Variants in ELMO1 observed in about 807,000 individuals in gnomAD.
ELMO1 encodes engulfment and cell motility 1, also known as engulfment and cell motility protein 1.
Under a neutral mutation model 98.9 loss-of-function variants are expected in ELMO1, and 26 were observed. That is an observed-to-expected ratio of 0.26 (90% CI 0.19 to 0.36). ELMO1 has a LOEUF of 0.36. ELMO1 is among the 10% of genes least tolerant of loss of function. ELMO1 has a pLI of 1.00. For missense variants in ELMO1, 627 were observed against 935.2 expected (o/e 0.67, Z 4.30); for synonymous variants, 346 against 346.0 (o/e 1.00, Z 0.00).
intron 4 of ELMO1, among the ~76,000 whole-genome samples, chr7:37,275,016 G>A (rs972584962): frequency 1.3e-5 from 2 of 152,170 alleles, no homozygotes; most frequent in African/African-American, 2.4e-5. Flanking sequence ...AGATAAGAAA[G>A]CAAAGCTGCT....
rs936054120 is a variant in ELMO1, at chr7:37,000,348, C to T, written c.1437+12951G>A. On this transcript the variant is annotated intron_variant, in intron 16 of 21. Coordinates refer to ENST00000310758, the MANE Select transcript of ELMO1 (RefSeq NM_014800.11). ...ACATTTACTTCTGTGGCAGCTCAAG[C>T]GGCAAAAAGCCATATGCCATACACC... Among the ~76,000 whole-genome samples the T allele has an allele frequency of 2.4e-4, 36 of 152,256 alleles. 1 individual carries two copies. Among genetic ancestry groups the T allele is most frequent in the Middle Eastern group, 6.8e-3 (2 of 294 alleles).
At chr7:37,064,546 A>G (rs1029839224) in intron 15 of ELMO1, among the ~76,000 whole-genome samples, 2 of 152,326 alleles carry the variant, frequency 1.3e-5, no homozygotes, top group African/African-American at 4.8e-5. Flanking sequence ...TCAGTGGTGT[A>G]GCTGTTACAG....
intron 15 of ELMO1, among the ~76,000 whole-genome samples, chr7:37,049,500 C>A (rs1795983751): frequency 6.6e-6 from 1 of 152,190 alleles, no homozygotes; most frequent in African/African-American, 2.4e-5. Flanking sequence ...CAGAGCTGCT[C>A]TGCCCCAAAT....
chr7:37,264,620 A>T (rs1796151355), intron 5 of ELMO1, among the ~76,000 whole-genome samples: 1 of 152,226 alleles, frequency 6.6e-6, no homozygotes, highest in African/African-American at 2.4e-5. Context: ...TGTATCAGAC[A>T]GCAAGTTATA....
chr7:37,417,995 C>T (rs1200328792), intron 1 of ELMO1, among the ~76,000 whole-genome samples: 6 of 152,192 alleles, frequency 3.9e-5, no homozygotes, highest in Non-Finnish European at 8.8e-5. Context: ...TCCCCTGGAA[C>T]CTTCAGGCCA....
intron 16 of ELMO1, among the ~76,000 whole-genome samples, chr7:36,906,617 C>T (rs1371841103): frequency 5.3e-5 from 8 of 152,136 alleles, no homozygotes; most frequent in South Asian, 2.1e-4. Context: ...CAGTGTCCAC[C>T]GCTGAGAAAC....
intron 14 of ELMO1, among the ~76,000 whole-genome samples, chr7:37,124,675 A>G (rs1786364560): frequency 6.6e-6 from 1 of 152,230 alleles, no homozygotes; most frequent in Non-Finnish European, 1.5e-5. Flanking sequence ...GCTCATGGGT[A>G]GGAAGAATCA....
At chr7:37,274,861 C>G (rs756812337) in intron 4 of ELMO1, among the ~76,000 whole-genome samples, 1 of 152,144 alleles carries the variant, frequency 6.6e-6, no homozygotes, top group Non-Finnish European at 1.5e-5. Flanking sequence ...CAGAAATAAT[C>G]TTTCTAATAA....
chr7:37,123,664 A>C (rs573258460), intron 14 of ELMO1, among the ~76,000 whole-genome samples: 15 of 152,164 alleles, frequency 9.9e-5, no homozygotes, highest in Admixed American at 4.6e-4. Flanking sequence ...CAACCAAAAA[A>C]AGTCCAGAAC....
chr7:37,167,108 C>T (rs1414890814), intron 13 of ELMO1, among the ~76,000 whole-genome samples: 2 of 152,166 alleles, frequency 1.3e-5, no homozygotes, highest in South Asian at 4.2e-4. Flanking sequence ...TTCTTTTTCT[C>T]TTTTGATCTT....
At chr7:36,908,883 G>T (rs995438532) in intron 16 of ELMO1, among the ~76,000 whole-genome samples, 2 of 152,172 alleles carry the variant, frequency 1.3e-5, no homozygotes, top group African/African-American at 2.4e-5. Context: ...CATTTCCTGG[G>T]TGTTTACTAA....
chr7:37,265,823 C>T (rs1796211756), intron 5 of ELMO1, among the ~76,000 whole-genome samples: 1 of 152,170 alleles, frequency 6.6e-6, no homozygotes. Context: ...GCTTTAAATG[C>T]CATTTCCATG....
intron 13 of ELMO1, among the ~76,000 whole-genome samples, chr7:37,198,653 T>C (rs1682008367): frequency 6.6e-6 from 1 of 152,238 alleles, no homozygotes; most frequent in Non-Finnish European, 1.5e-5. Flanking sequence ...TGCTTATACA[T>C]TACGAGACCC....
intron 16 of ELMO1, among the ~76,000 whole-genome samples, chr7:36,938,986 C>T (rs1382831360): frequency 6.6e-6 from 1 of 151,952 alleles, no homozygotes; most frequent in East Asian, 1.9e-4. Flanking sequence ...TATAATCGTA[C>T]AACTGCACTC....
At position 37,259,222 on chromosome 7, in the gene ELMO1, G is replaced by T; in HGVS notation, c.372C>A (p.Asp124Glu). Reference protein sequence around the residue: ...VTFAQEFINLDGISLLTQMVE... With the variant: ...VTFAQEFINLEGISLLTQMVE... ...CCATCTGCGTGAGGAGAGAGATACC[G>T]TCCAGGTTTATAAACTCCTGGGCAA... is the stretch of plus-strand genomic sequence containing the variant. Residue 124 changes from aspartate (D) to glutamate (E), a missense_variant, in exon 6 of 22, where the codon GAC becomes GAA. This residue lies in a region of ELMO1 where 123 missense variants were observed against 171.2 expected (regional missense o/e 0.72). Transcript: ENST00000310758. The T allele has an allele frequency of 4.3e-6, 7 of 1,614,098 alleles. No individual in the cohort carries two copies. The highest frequency in any genetic ancestry group is 5.9e-6 in the Non-Finnish European group (7 of 1,179,994).
At chr7:36,893,479 T>A (rs1294042894) in intron 17 of ELMO1, among the ~76,000 whole-genome samples, 2 of 152,248 alleles carry the variant, frequency 1.3e-5, no homozygotes, top group Non-Finnish European at 2.9e-5. Context: ...GGAAGCATTT[T>A]CCCTGCCCCG....
chr7:37,279,525 G>C (rs377760125), intron 4 of ELMO1, among the ~76,000 whole-genome samples: 1 of 152,198 alleles, frequency 6.6e-6, no homozygotes, highest in Non-Finnish European at 1.5e-5. Flanking sequence ...CCCAACTGTG[G>C]AAGTAGGAAA....
At chr7:37,405,339 A>T (rs1372746292) in intron 1 of ELMO1, among the ~76,000 whole-genome samples, 2 of 151,570 alleles carry the variant, frequency 1.3e-5, no homozygotes, top group African/African-American at 2.4e-5. Flanking sequence ...CACGCCCCAG[A>T]CTCCACCTTG....
chr7:37,402,216 T>A (rs1197278349), intron 1 of ELMO1, among the ~76,000 whole-genome samples: 1 of 152,148 alleles, frequency 6.6e-6, no homozygotes, highest in African/African-American at 2.4e-5. Flanking sequence ...TACAAGTGGC[T>A]CCAGCAATAT....
Sources: gnomAD v4.1 joint callset for allele counts (sites outside exome capture counted in the v4.1 genomes callset) on GRCh38, gnomAD v4.1.1 for gene constraint, gnomAD v4.1.1 regional missense constraint, MANE v1.5 for transcripts, NCBI Gene and HGNC (gene_info 2026-07-23, HGNC 2026-07-21) for gene names.